Variants in LPP observed in about 807,000 individuals in gnomAD.
LPP encodes LIM domain containing preferred translocation partner in lipoma, also known as lipoma-preferred partner.
A neutral mutation model predicts 60.4 loss-of-function variants in LPP; 38 were observed. That is an observed-to-expected ratio of 0.63 (90% CI 0.49 to 0.83). LPP has a LOEUF of 0.83. Among genes scored for constraint, LPP ranks in the 40% least tolerant of loss-of-function variants. The pLI is 0.00. For synonymous variants in LPP, 328 were observed against 290.8 expected (o/e 1.13, Z -1.30); for missense variants, 902 against 783.6 (o/e 1.15, Z -1.80).
intron 7 of LPP, among the ~76,000 whole-genome samples, chr3:188,627,675 G>C (rs1029279780): frequency 5.9e-5 from 9 of 152,006 alleles, no homozygotes; most frequent in Non-Finnish European, 1.3e-4. Flanking sequence ...AATAGTGGGA[G>C]ACTTGAACAC....
chr3:188,462,324 G>C (rs1266869764), intron 4 of LPP, among the ~76,000 whole-genome samples: 1 of 151,252 alleles, frequency 6.6e-6, no homozygotes, highest in African/African-American at 2.4e-5. Flanking sequence ...AAGCTAATTA[G>C]TGTCACATTT....
chr3:188,642,623 G>A (rs763238703), intron 7 of LPP, among the ~76,000 whole-genome samples: 2 of 152,166 alleles, frequency 1.3e-5, no homozygotes, highest in Non-Finnish European at 2.9e-5. Flanking sequence ...CATGCTGTGG[G>A]TGATGGACGC....
At chr3:188,438,092 A>G (rs1450766311) in intron 4 of LPP, among the ~76,000 whole-genome samples, 1 of 152,122 alleles carries the variant, frequency 6.6e-6, no homozygotes, top group African/African-American at 2.4e-5. Context: ...TGGCCCAACT[A>G]GACTGCCTGG....
intron 10 of LPP, among the ~76,000 whole-genome samples, chr3:188,867,568 TC>T (rs1405443860): frequency 1.3e-5 from 2 of 152,120 alleles, no homozygotes. Context: ...GGTCTCAAAC[TC>T]CTGTCCTCAA....
At chr3:188,728,113 T>C (rs7640368) in intron 8 of LPP, among the ~76,000 whole-genome samples, 33,858 of 151,982 alleles carry the variant, frequency 0.22, 4,747 homozygotes, top group Middle Eastern at 0.46. Context: ...CCCACACACA[T>C]CTACCTTGTA....
chr3:188,790,557 G>A (rs6803867), intron 9 of LPP, among the ~76,000 whole-genome samples: 7 of 152,052 alleles, frequency 4.6e-5, no homozygotes, highest in South Asian at 2.1e-4. Flanking sequence ...CAGACTGAGC[G>A]CAGTGGCTCA....
intron 2 of LPP, among the ~76,000 whole-genome samples, chr3:188,334,153 A>G (rs79173847): frequency 1.3e-5 from 2 of 152,160 alleles, no homozygotes; most frequent in East Asian, 3.9e-4. Context: ...TTCACTTAAC[A>G]TGATGTCCTC....
intron 2 of LPP, among the ~76,000 whole-genome samples, chr3:188,316,947 C>G (rs1191176133): frequency 6.6e-6 from 1 of 152,172 alleles, no homozygotes; most frequent in Non-Finnish European, 1.5e-5. Context: ...CCTTGTCAGG[C>G]CCAACAATCC....
At chr3:188,204,699 G>T (rs1481826699) in intron 1 of LPP, among the ~76,000 whole-genome samples, 1 of 152,112 alleles carries the variant, frequency 6.6e-6, no homozygotes, top group Non-Finnish European at 1.5e-5. Flanking sequence ...TTCTCTGGCC[G>T]CTTGGCTGGT....
chr3:188,301,061 T>C (rs1313233688), intron 2 of LPP, among the ~76,000 whole-genome samples: 1 of 152,186 alleles, frequency 6.6e-6, no homozygotes, highest in Non-Finnish European at 1.5e-5. Context: ...CTTCCTTTTT[T>C]CCATGCTTGT....
intron 7 of LPP, among the ~76,000 whole-genome samples, chr3:188,611,204 C>T (rs1843648490): frequency 6.6e-6 from 1 of 152,094 alleles, no homozygotes; most frequent in Admixed American, 6.6e-5. Flanking sequence ...TATGTGTGAC[C>T]ACTATATGAA....
At chr3:188,593,218 T>A (rs953131201) in intron 6 of LPP, among the ~76,000 whole-genome samples, 1 of 151,630 alleles carries the variant, frequency 6.6e-6, no homozygotes, top group African/African-American at 2.4e-5. Flanking sequence ...TTTTCCTGCC[T>A]AATAATGATG....
At chr3:188,793,703 C>T (rs553737153) in intron 9 of LPP, among the ~76,000 whole-genome samples, 148 of 152,076 alleles carry the variant, frequency 9.7e-4, no homozygotes, top group African/African-American at 3.4e-3. Context: ...TCTAGCCTTC[C>T]GTCTAATTGG....
intron 2 of LPP, among the ~76,000 whole-genome samples, chr3:188,319,699 AC>A (rs894344920): frequency 5.9e-4 from 90 of 152,330 alleles, no homozygotes; most frequent in African/African-American, 2.0e-3. Flanking sequence ...GTTCCTGTGT[AC>A]CCTTCACCCA....
At chr3:188,296,987 G>GC (rs533671152) in intron 2 of LPP, among the ~76,000 whole-genome samples, 131 of 152,330 alleles carry the variant, frequency 8.6e-4, no homozygotes, top group African/African-American at 3.0e-3. Context: ...GAGACGTTCT[G>GC]CAGTGCCAGG....
chr3:188,163,770 C>T (rs946738233), intron 1 of LPP, among the ~76,000 whole-genome samples: 6 of 131,202 alleles, frequency 4.6e-5, no homozygotes, highest in South Asian at 2.6e-4. Flanking sequence ...GATTTAACCT[C>T]GTCTCTACTA....
intron 3 of LPP, among the ~76,000 whole-genome samples, chr3:188,354,396 A>G (rs1434976130): frequency 1.3e-5 from 2 of 152,122 alleles, no homozygotes; most frequent in Admixed American, 6.5e-5. Flanking sequence ...AATACGTAAG[A>G]CAGAGATGCA....
chr3:188,307,949 G>A (rs1752075557), intron 2 of LPP, among the ~76,000 whole-genome samples: 1 of 152,182 alleles, frequency 6.6e-6, no homozygotes, highest in Non-Finnish European at 1.5e-5. Flanking sequence ...GTGTGTGTGT[G>A]TGTCTGTGCG....
At chr3:188,533,406 C>T (rs372480509) in intron 6 of LPP, among the ~76,000 whole-genome samples, 1 of 152,168 alleles carries the variant, frequency 6.6e-6, no homozygotes. Context: ...GGCAAGGCTG[C>T]TTGGGACTTG....
Sources: allele counts gnomAD v4.1 joint callset (sites outside exome capture counted in the v4.1 genomes callset), GRCh38; gene constraint gnomAD v4.1.1; transcripts MANE v1.5; gene names NCBI Gene and HGNC (gene_info 2026-07-23, HGNC 2026-07-21).